ASIC2: variants seen among roughly 807,000 people sequenced by gnomAD.
ASIC2 encodes acid-sensing ion channel 2.
Under a neutral mutation model 57.3 loss-of-function variants are expected in ASIC2, and 25 were observed. The ratio of observed to expected loss-of-function variants is 0.44; its 90% CI spans 0.32 to 0.61. The LOEUF is 0.61. ASIC2 is among the 20% of genes least tolerant of loss of function. The pLI is 0.06. For synonymous variants in ASIC2, 319 were observed against 307.5 expected, an observed-to-expected ratio of 1.04 and a Z score of -0.39; for missense variants, 641 against 738.1, an observed-to-expected ratio of 0.87 and a Z score of 1.52.
chr17:33,507,213 G>A (rs1230007643), intron 1 of ASIC2, among the ~76,000 whole-genome samples: 1 of 152,128 alleles, frequency 6.6e-6, no homozygotes, highest in South Asian at 2.1e-4. Flanking sequence ...CAGGCAGGAG[G>A]GCTTCCAAGA....
At chr17:33,029,586 A>G (rs932559366) in intron 3 of ASIC2, among the ~76,000 whole-genome samples, 3 of 152,254 alleles carry the variant, frequency 2.0e-5, no homozygotes, top group Non-Finnish European at 4.4e-5. Flanking sequence ...AAAAACTCCT[A>G]TGAATATTTA....
intron 1 of ASIC2, among the ~76,000 whole-genome samples, chr17:34,081,202 C>A (rs1039660715): frequency 6.6e-6 from 1 of 152,050 alleles, no homozygotes; most frequent in Non-Finnish European, 1.5e-5. Flanking sequence ...TAAATTAGAG[C>A]CTAGGGGTGG....
At chr17:33,035,258 A>T (rs1316475111) in intron 3 of ASIC2, among the ~76,000 whole-genome samples, 2 of 152,152 alleles carry the variant, frequency 1.3e-5, no homozygotes, top group Non-Finnish European at 2.9e-5. Context: ...TTGTTATTGT[A>T]AAGTTGCTGT....
intron 2 of ASIC2, among the ~76,000 whole-genome samples, chr17:33,103,814 C>G (rs756260722): frequency 2.6e-5 from 4 of 152,204 alleles, no homozygotes; most frequent in African/African-American, 7.2e-5. Context: ...CACCCATGCC[C>G]TCAGCTGTGC....
At chr17:33,133,639 T>A (rs140222280) in intron 1 of ASIC2, among the ~76,000 whole-genome samples, 2 of 152,340 alleles carry the variant, frequency 1.3e-5, no homozygotes, top group South Asian at 2.1e-4. Flanking sequence ...TCCAAACTTA[T>A]GACACTGCTG....
In ASIC2 at chr17:33,703,340, T is replaced by TTGC. The variant is rs780212960; in HGVS notation, c.555+452637_555+452638insGCA. ...CTTTTTCTTTTTTTTTTTGTTGCTG[T>TTGC]TGTTGTTGTTGTTGTTGTTGTTGTT... On this transcript the variant is annotated intron_variant, in intron 1 of 9. Coordinates refer to the ASIC2 transcript ENST00000359872. Among the ~76,000 whole-genome samples, 249 of 148,258 alleles carry TTGC rather than the reference T, an allele frequency of 1.7e-3. 1 individual carries two copies. The highest frequency in any genetic ancestry group is 5.9e-3 in the African/African-American group (237 of 40,436).
intron 1 of ASIC2, among the ~76,000 whole-genome samples, chr17:33,496,832 G>T (rs1269518149): frequency 6.6e-6 from 1 of 151,992 alleles, no homozygotes; most frequent in Non-Finnish European, 1.5e-5. Flanking sequence ...TGGCCAGGCT[G>T]GTCTCAAACT....
intron 1 of ASIC2, chr17:33,534,400 G>C (rs763793792): frequency 1.3e-5 from 2 of 152,122 alleles, no homozygotes; most frequent in Non-Finnish European, 2.9e-5. Flanking sequence ...CTCTGCTCAC[G>C]AGGCAGGAGC....
chr17:33,268,110 G>C (rs898569432), intron 1 of ASIC2, among the ~76,000 whole-genome samples: 4 of 152,058 alleles, frequency 2.6e-5, no homozygotes, highest in Non-Finnish European at 5.9e-5. Flanking sequence ...TTCATTCCAG[G>C]GACAGCGCCC....
intron 1 of ASIC2, among the ~76,000 whole-genome samples, chr17:33,138,891 T>C (rs1416902054): frequency 1.3e-5 from 2 of 152,170 alleles, no homozygotes; most frequent in African/African-American, 4.8e-5. Flanking sequence ...TCACATAGTA[T>C]TTAGTGGGAT....
chr17:33,539,254 C>G (rs1399810054), intron 1 of ASIC2, among the ~76,000 whole-genome samples: 1 of 152,242 alleles, frequency 6.6e-6, no homozygotes, highest in Non-Finnish European at 1.5e-5. Context: ...TTATTGCTTG[C>G]AAAGAGGTCA....
intron 1 of ASIC2, among the ~76,000 whole-genome samples, chr17:33,743,671 C>CA (rs1442270508): frequency 6.6e-6 from 1 of 152,196 alleles, no homozygotes; most frequent in Non-Finnish European, 1.5e-5. Flanking sequence ...CAACAGACAG[C>CA]ATTTGGATTT....
intron 1 of ASIC2, among the ~76,000 whole-genome samples, chr17:33,663,489 A>T (rs1474256264): frequency 6.7e-6 from 1 of 149,164 alleles, no homozygotes; most frequent in Non-Finnish European, 1.5e-5. Context: ...ACAGAAGTAT[A>T]TGCGTGCTAA....
intron 1 of ASIC2, among the ~76,000 whole-genome samples, chr17:33,169,406 C>T (rs1402116282): frequency 6.6e-6 from 1 of 152,202 alleles, no homozygotes; most frequent in African/African-American, 2.4e-5. Context: ...CACTACCTCA[C>T]TCAGAGATTC....
At chr17:33,728,583 C>T (rs1006080056) in intron 1 of ASIC2, among the ~76,000 whole-genome samples, 2 of 152,080 alleles carry the variant, frequency 1.3e-5, no homozygotes, top group African/African-American at 4.8e-5. Flanking sequence ...TCTGGGCATA[C>T]CTGTAATTTA....
At chr17:33,457,863 A>G (rs568744275) in intron 1 of ASIC2, among the ~76,000 whole-genome samples, 25 of 152,370 alleles carry the variant, frequency 1.6e-4, no homozygotes, top group African/African-American at 6.0e-4. Flanking sequence ...TCAATGCCAC[A>G]TAATTCCTGG....
At chr17:33,388,270 G>A (rs1002724758) in intron 1 of ASIC2, among the ~76,000 whole-genome samples, 5 of 152,236 alleles carry the variant, frequency 3.3e-5, no homozygotes. Flanking sequence ...TCTGGAGGGG[G>A]TACAGCCCTG....
chr17:33,970,038 C>A lies in ASIC2; in HGVS notation c.555+185940G>T, dbSNP rs74351114. The stretch of plus-strand genomic sequence containing the variant: ...GCAAAGTCTTGTTTATCTCAACGTG[C>A]CTATTTCCTCGGCAGTTCTGAGGCT... On this transcript the variant is annotated intron_variant, in intron 1 of 9. Transcript: ENST00000359872. 2.3e-3 allele frequency among the ~76,000 whole-genome samples: 347 copies of A among 152,278 alleles called. 7 individuals carry two copies. The East Asian group carries it at 0.058, about 26-fold the overall frequency.
rs2142079868 is a variant in ASIC2 at position 33,715,963 on chromosome 17, T to C, written c.555+440015A>G. 2.6e-5 allele frequency among the ~76,000 whole-genome samples: 4 copies of C among 152,260 alleles called. No homozygotes were observed. The Middle Eastern group carries it at 0.014, about 518-fold the overall frequency. On this transcript the variant is annotated intron_variant, in intron 1 of 9. Transcript: ENST00000359872. Reference sequence around the variant, plus strand: ...TCTAATCACACCGCCAACAGCTTGATCGCTTAATCCAGAAATCCCAGAATC... The same window carrying C: ...TCTAATCACACCGCCAACAGCTTGACCGCTTAATCCAGAAATCCCAGAATC...
Sources: allele counts gnomAD v4.1 joint callset (sites outside exome capture counted in the v4.1 genomes callset), GRCh38; gene constraint gnomAD v4.1.1; transcripts MANE v1.5; gene names NCBI Gene and HGNC (gene_info 2026-07-23, HGNC 2026-07-21).